XKR4: variants seen among roughly 807,000 people sequenced by gnomAD.
The protein encoded by XKR4 is XK related 4.
XKR4 carries 12 observed loss-of-function variants against 53.9 expected under a neutral mutation model. The ratio of observed to expected loss-of-function variants is 0.22; its 90% CI spans 0.14 to 0.36. The LOEUF (loss-of-function observed/expected upper bound fraction) is 0.36. Among genes scored for constraint, XKR4 ranks in the 10% least tolerant of loss-of-function variants. XKR4 has a pLI of 1.00. For missense variants in XKR4, 799 were observed against 859.5 expected (o/e 0.93, Z 0.88); for synonymous variants, 354 against 362.4 (o/e 0.98, Z 0.26).
At chr8:55,150,633 C>A (rs77307480) in intron 1 of XKR4, among the ~76,000 whole-genome samples, 1 of 152,176 alleles carries the variant, frequency 6.6e-6, no homozygotes, top group Admixed American at 6.5e-5. Context: ...AACTCCTCCT[C>A]ACCCTGGAAA....
intron 1 of XKR4, among the ~76,000 whole-genome samples, chr8:55,285,422 T>A (rs555291030): frequency 6.6e-6 from 1 of 152,152 alleles, no homozygotes; most frequent in African/African-American, 2.4e-5. Context: ...GGTGAAAACT[T>A]AGCAACAGAC....
At chr8:55,149,633 T>C (rs1816815375) in intron 1 of XKR4, among the ~76,000 whole-genome samples, 1 of 152,224 alleles carries the variant, frequency 6.6e-6, no homozygotes, top group South Asian at 2.1e-4. Context: ...GGGAAGAGCG[T>C]TTCAGAAGAT....
At chr8:55,496,424 C>T (rs1317025723) in intron 2 of XKR4, among the ~76,000 whole-genome samples, 6 of 152,174 alleles carry the variant, frequency 3.9e-5, no homozygotes, top group East Asian at 1.9e-4. Flanking sequence ...GATACCTGGG[C>T]TTAAATTCTG....
rs1806892968 is a variant in XKR4, at chr8:55,527,301, G to C, written c.*3074G>C. The stretch of plus-strand genomic sequence containing the variant: ...CAGACAGTAACTGGAGAATCCCAAA[G>C]GAAAAAATTGGAAATGCTGGGTTCC... On this transcript the variant is annotated 3_prime_UTR_variant, in exon 3 of 3. Coordinates refer to ENST00000327381, the MANE Select transcript of XKR4 (RefSeq NM_052898.2). 6.6e-6 allele frequency: 1 copy of C among 152,156 alleles called. No homozygotes were observed. Among genetic ancestry groups the C allele is most frequent in the South Asian group, 2.1e-4 (1 of 4,834 alleles). The allele number at this position is 152,156 out of a possible 1,614,324, so 9.4% of individuals were successfully genotyped here.
intron 1 of XKR4, among the ~76,000 whole-genome samples, chr8:55,135,014 A>C (rs950952905): frequency 2.0e-5 from 3 of 152,178 alleles, no homozygotes; most frequent in African/African-American, 4.8e-5. Flanking sequence ...AGTCTGAATC[A>C]GTAGAGGTAG....
chr8:55,159,599 C>T lies in XKR4; in HGVS notation c.806+56305C>T, dbSNP rs74941607. Among the ~76,000 whole-genome samples, 431 of 152,072 alleles carry T rather than the reference C, an allele frequency of 2.8e-3. 5 individuals are homozygous for T. The East Asian group carries it at 0.051, about 18-fold the overall frequency. ...GGAATGATGAAAAAGTCTGAAGGCACGTGAGTAAGTGAGAACATGGGATGA... is the reference window on the plus strand; with the variant it reads ...GGAATGATGAAAAAGTCTGAAGGCATGTGAGTAAGTGAGAACATGGGATGA... On this transcript the variant is annotated intron_variant, in intron 1 of 2. Coordinates refer to ENST00000327381, the MANE Select transcript of XKR4 (RefSeq NM_052898.2).
intron 1 of XKR4, among the ~76,000 whole-genome samples, chr8:55,146,543 G>A (rs558116740): frequency 2.9e-4 from 44 of 152,314 alleles, no homozygotes; most frequent in African/African-American, 7.7e-4. Context: ...ATGTGGCAAC[G>A]TGGCAATTGT....
chr8:55,409,658 T>A (rs1456768688), intron 2 of XKR4, among the ~76,000 whole-genome samples: 1 of 152,084 alleles, frequency 6.6e-6, no homozygotes, highest in African/African-American at 2.4e-5. Flanking sequence ...AAATTGGGGA[T>A]AAAGGAATGA....
intron 2 of XKR4, among the ~76,000 whole-genome samples, chr8:55,428,371 C>T (rs957345341): frequency 1.8e-4 from 27 of 152,150 alleles, no homozygotes; most frequent in African/African-American, 6.0e-4. Context: ...AAAAAGCCTG[C>T]GCTCTCTAGC....
intron 1 of XKR4, among the ~76,000 whole-genome samples, chr8:55,243,239 C>CATTGTTCT (rs961323834): frequency 4.6e-4 from 70 of 152,168 alleles, no homozygotes; most frequent in African/African-American, 1.6e-3. Flanking sequence ...TCGTGGTGTA[C>CATTGTTCT]ATTGTTCTGG....
intron 1 of XKR4, among the ~76,000 whole-genome samples, chr8:55,231,878 G>A (rs768140878): frequency 5.9e-5 from 9 of 152,194 alleles, no homozygotes; most frequent in Non-Finnish European, 1.2e-4. Context: ...TGTACATGAA[G>A]AGCAGAGAGT....
chr8:55,460,767 G>A (rs151212676), intron 2 of XKR4, among the ~76,000 whole-genome samples: 22 of 152,140 alleles, frequency 1.4e-4, no homozygotes, highest in Admixed American at 7.2e-4. Context: ...CTGGAAAATC[G>A]GGTCACTCCC....
chr8:55,462,835 G>A (rs1054730035), intron 2 of XKR4, among the ~76,000 whole-genome samples: 4 of 152,020 alleles, frequency 2.6e-5, no homozygotes, highest in Non-Finnish European at 5.9e-5. Flanking sequence ...CTAGTCTCAG[G>A]TAAAACAGAC....
At chr8:55,187,200 G>A (rs2129360552) in intron 1 of XKR4, among the ~76,000 whole-genome samples, 1 of 149,926 alleles carries the variant, frequency 6.7e-6, no homozygotes, top group Non-Finnish European at 1.5e-5. Context: ...ACTTGCTGTA[G>A]TGTTTCTGCG....
intron 1 of XKR4, among the ~76,000 whole-genome samples, chr8:55,189,576 G>A (rs531806103): frequency 6.6e-6 from 1 of 152,284 alleles, no homozygotes; most frequent in East Asian, 1.9e-4. Flanking sequence ...TGGTACTTGA[G>A]CATCTAAACA....
chr8:55,408,134 G>A (rs1430818088), intron 2 of XKR4, among the ~76,000 whole-genome samples: 1 of 152,150 alleles, frequency 6.6e-6, no homozygotes, highest in Non-Finnish European at 1.5e-5. Flanking sequence ...GGGAAAAGCA[G>A]GCAATTAGTA....
chr8:55,507,839 T>C (rs1368025141), intron 2 of XKR4, among the ~76,000 whole-genome samples: 1 of 152,212 alleles, frequency 6.6e-6, no homozygotes, highest in Non-Finnish European at 1.5e-5. Flanking sequence ...AGCGGCATGA[T>C]TTATAATCCT....
At chr8:55,272,683 G>C (rs1388499383) in intron 1 of XKR4, among the ~76,000 whole-genome samples, 1 of 152,204 alleles carries the variant, frequency 6.6e-6, no homozygotes, top group South Asian at 2.1e-4. Context: ...ACCCCAAAGT[G>C]TGTTAAATCA....
chr8:55,474,100 G>A (rs779487457), intron 2 of XKR4, among the ~76,000 whole-genome samples: 11 of 151,982 alleles, frequency 7.2e-5, no homozygotes, highest in Admixed American at 2.6e-4. Context: ...TTATAGAGAC[G>A]TGGTCTCGCT....
Sources: gnomAD v4.1 joint callset for allele counts (sites outside exome capture counted in the v4.1 genomes callset) on GRCh38, gnomAD v4.1.1 for gene constraint, MANE v1.5 for transcripts, NCBI Gene and HGNC (gene_info 2026-07-23, HGNC 2026-07-21) for gene names.